Variants in TMEM260 observed in about 807,000 individuals in gnomAD.
TMEM260 encodes transmembrane protein 260, also known as protein O-mannosyl-transferase TMEM260.
A neutral mutation model predicts 88.9 loss-of-function variants in TMEM260; 82 were observed. The ratio of observed to expected loss-of-function variants is 0.92; its 90% CI spans 0.77 to 1.11. The LOEUF is 1.11. Among genes scored for constraint, TMEM260 ranks in the 50% least tolerant of loss-of-function variants. The probability of loss-of-function intolerance (pLI) is 0.00; values close to 1 mark genes in which losing one functional copy is unlikely to be tolerated. For synonymous variants in TMEM260, 314 were observed against 309.3 expected (o/e 1.02, Z -0.16); for missense variants, 902 against 853.4 (o/e 1.06, Z -0.71).
At chr14:56,659,912 T>G in the TMEM260 span, among the ~76,000 whole-genome samples, 1 of 152,138 alleles carries the variant, frequency 6.6e-6, no homozygotes, top group Non-Finnish European at 1.5e-5. Flanking sequence ...TGTGACAGCT[T>G]GAGAGTTTGG....
intron 3 of TMEM260, among the ~76,000 whole-genome samples, chr14:56,598,270 A>C (rs1886368139): frequency 6.6e-6 from 1 of 152,180 alleles, no homozygotes; most frequent in African/African-American, 2.4e-5. Context: ...ATCAAGAGCC[A>C]AAAAAGGAAA....
the TMEM260 span, among the ~76,000 whole-genome samples, chr14:56,655,851 C>G: frequency 6.6e-6 from 1 of 152,146 alleles, no homozygotes; most frequent in Non-Finnish European, 1.5e-5. Context: ...TCTTAAAGCT[C>G]CCATAGCCAT....
upstream of TMEM260, chr14:56,579,635 T>C (rs1352930448): frequency 1.1e-5 from 4 of 357,404 alleles, no homozygotes; most frequent in African/African-American, 8.4e-5. Context: ...TTAAAGGGAA[T>C]GCTCTCCTGG....
intron 11 of TMEM260, among the ~76,000 whole-genome samples, chr14:56,625,005 C>T (rs1888155927): frequency 6.6e-6 from 1 of 152,182 alleles, no homozygotes; most frequent in Non-Finnish European, 1.5e-5. Context: ...TAGGTTCACA[C>T]TCCTGTGAAA....
chr14:56,601,426 C>G (rs1016335082), intron 3 of TMEM260, among the ~76,000 whole-genome samples: 4 of 152,028 alleles, frequency 2.6e-5, no homozygotes, highest in African/African-American at 9.7e-5. Context: ...GATGTTTGTC[C>G]TATTACTAAT....
At chr14:56,609,419 A>G in intron 6 of TMEM260, 134 bp downstream of exon 6, 1 of 817,910 alleles carries the variant, frequency 1.2e-6, no homozygotes. Flanking sequence ...TATGTAACAA[A>G]CTTGCCCCTT....
chr14:56,618,695 T>C lies in TMEM260; in HGVS notation c.1158T>C (p.Asn386=). The C allele has an allele frequency of 6.2e-7, 1 of 1,614,224 alleles. No homozygotes were observed. The highest frequency in any genetic ancestry group is 8.5e-7 in the Non-Finnish European group (1 of 1,180,044). ...AGACTAACCGAGTGCTGAATAGCAA[T>C]GGGCTTCAGTGTCTGGAATGGCTTT... ...VSETNRVLNS[N]GLQCLEWLSA... Residue 386 remains asparagine (N), a synonymous_variant, in exon 10 of 16, where the codon AAT becomes AAC. Transcript: ENST00000261556.
At chr14:56,584,878 A>C in intron 1 of TMEM260, 123 bp from the exon 2 acceptor site, 6 of 723,324 alleles carry the variant, frequency 8.3e-6, no homozygotes, top group South Asian at 7.2e-5. Flanking sequence ...AAATCTCTAC[A>C]GATTTACAGT....
At chr14:56,579,703 C>A, upstream of TMEM260, 2 of 402,346 alleles carry the variant, frequency 5.0e-6, no homozygotes, top group Non-Finnish European at 8.7e-6. Context: ...TGGTGCACTG[C>A]GGGAAAACTC....
chr14:56,585,579 A>G (rs1885440861), intron 2 of TMEM260, 182 bp from the exon 3 acceptor site: 4 of 583,600 alleles, frequency 6.9e-6, no homozygotes, highest in Non-Finnish European at 1.2e-5. Flanking sequence ...CAAATCCACT[A>G]AAGAAAATAT....
intron 13 of TMEM260, among the ~76,000 whole-genome samples, chr14:56,634,601 G>A (rs1035269821): frequency 3.9e-5 from 6 of 152,086 alleles, no homozygotes; most frequent in African/African-American, 1.4e-4. Flanking sequence ...CCAGTATTTT[G>A]GGAGGCTAAA....
chr14:56,636,685 T>TTAGAATTTTTATTATTTTATTTCTCTC, intron 15 of TMEM260, 87 bp downstream of exon 15: 1 of 1,123,338 alleles, frequency 8.9e-7, no homozygotes, highest in South Asian at 1.4e-5. Context: ...GTATATCACA[T>TTAGAATTTTTATTATTTTATTTCTCTC]TAGAATTTTT....
intron 3 of TMEM260, among the ~76,000 whole-genome samples, chr14:56,591,229 TA>T (rs1885836025): frequency 6.6e-6 from 1 of 152,160 alleles, no homozygotes; most frequent in Non-Finnish European, 1.5e-5. Flanking sequence ...AAATTACAAA[TA>T]AAATTATAGA....
intron 9 of TMEM260, among the ~76,000 whole-genome samples, chr14:56,617,835 A>G (rs1279474970): frequency 2.0e-5 from 3 of 152,224 alleles, no homozygotes; most frequent in Non-Finnish European, 4.4e-5. Flanking sequence ...AGCCTAATAA[A>G]TAATACCCTA....
chr14:56,658,559 T>C, the TMEM260 span, among the ~76,000 whole-genome samples: 42,841 of 151,694 alleles, frequency 0.28, 9,610 homozygotes, highest in African/African-American at 0.61. Flanking sequence ...GAGAAAACAT[T>C]TCACAAATCC....
chr14:56,621,851 A>C, intron 11 of TMEM260, 149 bp downstream of exon 11: 1 of 580,664 alleles, frequency 1.7e-6, no homozygotes, highest in Non-Finnish European at 2.7e-6. Flanking sequence ...GTTAGGTAGA[A>C]TATATATGGG....
chr14:56,604,169 C>T (rs917085541), intron 4 of TMEM260, among the ~76,000 whole-genome samples, 177 bp downstream of exon 4: 1 of 151,686 alleles, frequency 6.6e-6, no homozygotes, highest in Non-Finnish European at 1.5e-5. Context: ...CCAGGATAGC[C>T]CTTATAAAAC....
the TMEM260 span, among the ~76,000 whole-genome samples, chr14:56,659,767 G>T: frequency 6.6e-6 from 1 of 152,186 alleles, no homozygotes; most frequent in African/African-American, 2.4e-5. Flanking sequence ...GATGAGTCAG[G>T]TTTTTGTAGC....
intron 1 of TMEM260, among the ~76,000 whole-genome samples, chr14:56,581,369 TC>T (rs1885121793): frequency 6.6e-6 from 1 of 152,190 alleles, no homozygotes; most frequent in African/African-American, 2.4e-5. Flanking sequence ...TTACCTTTCT[TC>T]TTTCAGGTCC....
Sources: allele counts gnomAD v4.1 joint callset (sites outside exome capture counted in the v4.1 genomes callset), GRCh38; gene constraint gnomAD v4.1.1; transcripts MANE v1.5; gene names NCBI Gene and HGNC (gene_info 2026-07-23, HGNC 2026-07-21).